USH2A: variants seen among roughly 807,000 people sequenced by gnomAD.
USH2A encodes the protein Usher syndrome 2A (autosomal recessive, mild).
USH2A carries 443 observed loss-of-function variants against 538.9 expected under a neutral mutation model. The ratio of observed to expected loss-of-function variants is 0.82; its 90% CI spans 0.76 to 0.89. The LOEUF (loss-of-function observed/expected upper bound fraction) is 0.89, where lower values mean the gene tolerates loss of function less well. USH2A is among the 40% of genes least tolerant of loss of function. USH2A has a pLI of 0.00. For missense variants in USH2A, 6,633 were observed against 6,324.8 expected (o/e 1.05, Z -1.65); for synonymous variants, 2,413 against 2,273.5 (o/e 1.06, Z -1.75).
chr1:216,358,183 T>C (rs2038423242), intron 4 of USH2A, among the ~76,000 whole-genome samples: 1 of 152,148 alleles, frequency 6.6e-6, no homozygotes, highest in Non-Finnish European at 1.5e-5. Flanking sequence ...AAGAAAAAGC[T>C]CTGTAGTAGC....
intron 61 of USH2A, among the ~76,000 whole-genome samples, chr1:215,683,552 A>C (rs1255053349): frequency 6.6e-6 from 1 of 152,094 alleles, no homozygotes; most frequent in Non-Finnish European, 1.5e-5. Context: ...ATTTTTCTTA[A>C]ATTTAGGATA....
In USH2A at chr1:215,625,849, T is replaced by C; in HGVS notation, c.15541A>G (p.Met5181Val). ...SGLYVDEEDL[M>V]NAIKDFSSVT... ...GAGCTGAAATCCTTGATGGCGTTCATCAGGTCCTCTTCATCCACATACTGA... is the reference window on the plus strand; with the variant it reads ...GAGCTGAAATCCTTGATGGCGTTCACCAGGTCCTCTTCATCCACATACTGA... Residue 5181 changes from methionine to valine, a missense_variant, in exon 72 of 72, where the codon ATG becomes GTG. Physicochemically the swap from Met to Val is conservative, Grantham distance 21. Transcript: ENST00000307340. The C allele has an allele frequency of 6.2e-7, 1 of 1,614,128 alleles. No individual in the cohort carries two copies. The highest frequency in any genetic ancestry group is 1.1e-5 in the South Asian group (1 of 91,084).
At chr1:216,023,048 C>T (rs1246925033) in intron 32 of USH2A, among the ~76,000 whole-genome samples, 4 of 152,060 alleles carry the variant, frequency 2.6e-5, no homozygotes, top group Non-Finnish European at 5.9e-5. Context: ...GATTAGTTTG[C>T]TGGAGGCAGA....
At chr1:215,718,800 T>A (rs1012819213) in intron 61 of USH2A, among the ~76,000 whole-genome samples, 1 of 152,148 alleles carries the variant, frequency 6.6e-6, no homozygotes, top group Non-Finnish European at 1.5e-5. Context: ...AAGAGCAGAG[T>A]AGTTCAATTA....
intron 60 of USH2A, among the ~76,000 whole-genome samples, chr1:215,738,113 GT>G (rs1407917225): frequency 3.3e-5 from 5 of 152,016 alleles, no homozygotes; most frequent in African/African-American, 1.2e-4. Flanking sequence ...TTTATTACAT[GT>G]TTTGTAAAGT....
Position 215,648,643 on chromosome 1 carries a change from T to C in USH2A, c.14467A>G (p.Arg4823Gly). 6.2e-7 allele frequency: 1 copy of C among 1,614,214 alleles called. No homozygotes were observed. The highest frequency in any genetic ancestry group is 8.5e-7 in the Non-Finnish European group (1 of 1,180,032). Reference protein sequence around the residue: ...CCSKGPTAELRTHPAPPSGLS... With the variant: ...CCSKGPTAELGTHPAPPSGLS... ...CCTGAGGGTGGGGCAGGATGGGTTCTCAGTTCAGCTGTCGGTCCTTTGCTG... is the reference window on the plus strand; with the variant it reads ...CCTGAGGGTGGGGCAGGATGGGTTCCCAGTTCAGCTGTCGGTCCTTTGCTG... Residue 4823 changes from arginine to glycine, a missense_variant, in exon 66 of 72, where the codon AGA becomes GGA. By Grantham distance (125) the Arg-to-Gly change is moderately radical (BLOSUM62 -2). Coordinates refer to ENST00000307340, the MANE Select transcript of USH2A (RefSeq NM_206933.4).
At chr1:215,812,555 G>T (rs10864204) in intron 49 of USH2A, among the ~76,000 whole-genome samples, 100,609 of 151,924 alleles carry the variant, frequency 0.66, 34,047 homozygotes, top group African/African-American at 0.79. Context: ...ATAATTTACA[G>T]GAACCAGACG....
intron 12 of USH2A, among the ~76,000 whole-genome samples, chr1:216,249,936 T>C (rs560962065): frequency 1.1e-4 from 17 of 152,168 alleles, no homozygotes; most frequent in African/African-American, 3.6e-4. Flanking sequence ...TTTACTATTG[T>C]AAGGTTCAGG....
intron 13 of USH2A, among the ~76,000 whole-genome samples, chr1:216,243,356 G>A (rs1242452484): frequency 6.6e-6 from 1 of 152,180 alleles, no homozygotes; most frequent in Admixed American, 6.5e-5. Flanking sequence ...CTATTCGGAA[G>A]TTGACTAATG....
At chr1:215,925,279 A>G (rs1404582382) in intron 38 of USH2A, among the ~76,000 whole-genome samples, 1 of 152,136 alleles carries the variant, frequency 6.6e-6, no homozygotes, top group Non-Finnish European at 1.5e-5. Context: ...GCATGGGTTA[A>G]ATTAAATGGC....
intron 50 of USH2A, among the ~76,000 whole-genome samples, chr1:215,798,233 T>C (rs548212785): frequency 6.6e-6 from 1 of 152,328 alleles, no homozygotes; most frequent in Admixed American, 6.5e-5. Context: ...ATGGAATCTA[T>C]GCCTGGTGAA....
At chr1:216,239,358 T>C (rs1269570625) in intron 13 of USH2A, among the ~76,000 whole-genome samples, 2 of 152,134 alleles carry the variant, frequency 1.3e-5, no homozygotes, top group African/African-American at 4.8e-5. Flanking sequence ...GGCTCACACC[T>C]AAAAACAGGA....
At chr1:215,943,923 C>G (rs17025684) in intron 37 of USH2A, among the ~76,000 whole-genome samples, 4,876 of 152,202 alleles carry the variant, frequency 0.032, 120 homozygotes, top group South Asian at 0.084. Context: ...TGAATTGAGA[C>G]AGCTCTAAAA....
intron 30 of USH2A, among the ~76,000 whole-genome samples, chr1:216,061,790 A>T (rs1333923985): frequency 6.6e-6 from 1 of 152,186 alleles, no homozygotes; most frequent in East Asian, 1.9e-4. Context: ...GACTGTTAGA[A>T]GGAAAGTCCT....
In USH2A at chr1:215,864,785, A is replaced by C. The variant is rs77413674; in HGVS notation, c.8845+2222T>G. 2.0e-3 allele frequency among the ~76,000 whole-genome samples: 303 copies of C among 152,286 alleles called. 6 individuals are homozygous for C. In the South Asian group the frequency reaches 0.035, roughly 18 times the overall value. On this transcript the variant is annotated intron_variant, in intron 44 of 71. Transcript: ENST00000307340. ...TAACACAGGGACGCTTTTATCTCACATATCATGTATGTGATACTAATGTTT... is the reference window on the plus strand; with the variant it reads ...TAACACAGGGACGCTTTTATCTCACCTATCATGTATGTGATACTAATGTTT...
intron 30 of USH2A, among the ~76,000 whole-genome samples, chr1:216,069,397 G>A (rs184470449): frequency 1.7e-4 from 26 of 152,282 alleles, no homozygotes; most frequent in Non-Finnish European, 2.1e-4. Flanking sequence ...GATGGTTCAC[G>A]TTATAGGATT....
chr1:216,232,238 G>A, intron 13 of USH2A, 102 bp from the exon 14 acceptor site: 1 of 1,283,564 alleles, frequency 7.8e-7, no homozygotes, highest in East Asian at 2.5e-5. Context: ...CTCTACCAAG[G>A]CACTAATTCC....
intron 10 of USH2A, 115 bp from the exon 11 acceptor site, chr1:216,289,525 T>C (rs1475120684): frequency 7.2e-7 from 1 of 1,383,820 alleles, no homozygotes; most frequent in Non-Finnish European, 1.0e-6. Context: ...GGAACGTCCG[T>C]TTTAATGCAC....
rs1360917067 is a variant in USH2A, at chr1:215,647,502, T to C, written c.14791+20A>G. The C allele has an allele frequency of 6.2e-7, 1 of 1,613,114 alleles. No homozygotes were observed. The highest frequency in any genetic ancestry group is 8.5e-7 in the Non-Finnish European group (1 of 1,179,778). On this transcript the variant is annotated intron_variant, in intron 67 of 71. Coordinates refer to ENST00000307340, the MANE Select transcript of USH2A (RefSeq NM_206933.4). ...ACATTCCAATCTCTCTGGCTTATGG[T>C]AGCAGCCACTTATACTCACATTCTT...
Sources: allele counts gnomAD v4.1 joint callset (sites outside exome capture counted in the v4.1 genomes callset), GRCh38; gene constraint gnomAD v4.1.1; transcripts MANE v1.5; gene names NCBI Gene and HGNC (gene_info 2026-07-23, HGNC 2026-07-21).